GFRA2: variants seen among roughly 807,000 people sequenced by gnomAD.
GFRA2 encodes the protein GDNF family receptor alpha-2.
Under a neutral mutation model 48.3 loss-of-function variants are expected in GFRA2, and 17 were observed. The ratio of observed to expected loss-of-function variants is 0.35; its 90% CI spans 0.24 to 0.53. The LOEUF is 0.53. GFRA2 is among the 20% of genes least tolerant of loss of function. The pLI, the probability that GFRA2 is intolerant of heterozygous loss-of-function variation, is 0.93. For missense variants in GFRA2, 660 were observed against 637.3 expected (o/e 1.04, Z -0.38); for synonymous variants, 305 against 257.2 (o/e 1.19, Z -1.78).
chr8:21,707,664 C>G (rs1369997144), intron 4 of GFRA2, among the ~76,000 whole-genome samples: 1 of 152,182 alleles, frequency 6.6e-6, no homozygotes, highest in Non-Finnish European at 1.5e-5. Context: ...GCCCAAGTTC[C>G]CTGCTTCTCC....
chr8:21,792,208 T>C (rs1807585174), upstream of GFRA2, among the ~76,000 whole-genome samples: 1 of 152,174 alleles, frequency 6.6e-6, no homozygotes, highest in Non-Finnish European at 1.5e-5. Flanking sequence ...GGGAGGGCGT[T>C]GCAGCCCCAC....
intron 7 of GFRA2, among the ~76,000 whole-genome samples, chr8:21,694,869 T>C (rs1486560233): frequency 6.6e-6 from 1 of 152,170 alleles, no homozygotes; most frequent in African/African-American, 2.4e-5. Context: ...CAGTGTCTGG[T>C]TCATAACAAC....
At chr8:21,754,580 C>T (rs895459136) in intron 3 of GFRA2, among the ~76,000 whole-genome samples, 5 of 145,718 alleles carry the variant, frequency 3.4e-5, no homozygotes, top group Non-Finnish European at 7.4e-5. Flanking sequence ...GTGATCGCGG[C>T]TCACTGCAAC....
chr8:21,719,673 T>C (rs4739285), intron 4 of GFRA2, among the ~76,000 whole-genome samples: 62,084 of 152,048 alleles, frequency 0.41, 15,132 homozygotes, highest in East Asian at 0.61. Context: ...TTGAGCTAGG[T>C]AGCCAGCCAG....
chr8:21,730,940 G>A lies in GFRA2; in HGVS notation c.794+19648C>T, dbSNP rs561039938. ...CCCAGAGAAGTTCCATGCGTACCCC[G>A]AGGTTTCCACAGCGAGACGAGGTAG... On this transcript the variant is annotated intron_variant, in intron 4 of 8. Coordinates refer to ENST00000524240, the MANE Select transcript of GFRA2 (RefSeq NM_001495.5). 1.3e-4 allele frequency among the ~76,000 whole-genome samples: 20 copies of A among 152,226 alleles called. 1 individual carries two copies. In the East Asian group the frequency reaches 2.3e-3, roughly 18 times the overall value.
intron 3 of GFRA2, among the ~76,000 whole-genome samples, chr8:21,758,039 C>G (rs1396632876): frequency 6.6e-6 from 1 of 152,192 alleles, no homozygotes; most frequent in African/African-American, 2.4e-5. Context: ...AGAAAAGGCA[C>G]TTGACCTCTG....
chr8:21,702,103 T>G (rs752935524), intron 7 of GFRA2, among the ~76,000 whole-genome samples: 5 of 152,218 alleles, frequency 3.3e-5, no homozygotes, highest in South Asian at 2.1e-4. Context: ...AGCAGTTGTC[T>G]GCAGAGCAGG....
At chr8:21,733,856 G>A (rs1804319744) in intron 4 of GFRA2, among the ~76,000 whole-genome samples, 1 of 152,120 alleles carries the variant, frequency 6.6e-6, no homozygotes, top group African/African-American at 2.4e-5. Context: ...AGACTCCTCC[G>A]CTGAGGTCCA....
chr8:21,696,877 G>A (rs1430013617), intron 7 of GFRA2, among the ~76,000 whole-genome samples: 4 of 147,284 alleles, frequency 2.7e-5, no homozygotes, highest in Non-Finnish European at 6.0e-5. Context: ...AAACAGGAAA[G>A]AGGAAGAGGG....
rs1029983514 is a variant in GFRA2, at chr8:21,705,117, T to C, written c.913A>G (p.Met305Val). The change falls in exon 6 of 9, where the codon ATG becomes GTG. Residue 305 changes from methionine to valine, a missense_variant. Met to Val is a conservative substitution (Grantham distance 21). Coordinates refer to ENST00000524240, the MANE Select transcript of GFRA2 (RefSeq NM_001495.5). ...GSYAGMIGFD[M>V]TPNYVDSSPT... ...CTGGAGTCCACATAGTTAGGTGTCA[T>C]GTCAAACCCTGGGCAGGAAGAAAGG... 6.2e-7 allele frequency: 1 copy of C among 1,609,560 alleles called. No individual in the cohort carries two copies.
intron 2 of GFRA2, among the ~76,000 whole-genome samples, chr8:21,778,514 T>C (rs1365841698): frequency 6.6e-6 from 1 of 152,252 alleles, no homozygotes; most frequent in Non-Finnish European, 1.5e-5. Context: ...ACACAGTTCC[T>C]ACAGTGCTGT....
chr8:21,693,171 A>T lies in GFRA2; in HGVS notation c.*107T>A. The T allele has an allele frequency of 2.6e-5, 28 of 1,061,156 alleles. No homozygotes were observed. Among genetic ancestry groups the T allele is most frequent in the Admixed American group, 7.1e-5 (2 of 28,224 alleles). 65.7% of individuals were successfully genotyped at this position (1,061,156 alleles called of 1,614,324 possible). On this transcript the variant is annotated 3_prime_UTR_variant, in exon 9 of 9. Coordinates refer to ENST00000524240, the MANE Select transcript of GFRA2 (RefSeq NM_001495.5). The stretch of plus-strand genomic sequence containing the variant: ...GTTCAGCGACAAGGTGGGAAAAACA[A>T]TTTTTTTTTTGCAAGGTGTGTGTGT...
intron 4 of GFRA2, among the ~76,000 whole-genome samples, chr8:21,746,426 T>C (rs1163270964): frequency 2.0e-5 from 3 of 152,024 alleles, no homozygotes; most frequent in Non-Finnish European, 4.4e-5. Context: ...TGGTGGGAGA[T>C]AGGGAAAGAG....
intron 2 of GFRA2, among the ~76,000 whole-genome samples, chr8:21,800,850 C>T (rs902389060): frequency 6.6e-6 from 1 of 150,558 alleles, no homozygotes; most frequent in Admixed American, 6.7e-5. Context: ...GGCTTGAGCC[C>T]AAAAATTCCA....
At chr8:21,707,759 A>T (rs1297942037) in intron 4 of GFRA2, among the ~76,000 whole-genome samples, 2 of 152,218 alleles carry the variant, frequency 1.3e-5, no homozygotes, top group Non-Finnish European at 1.5e-5. Flanking sequence ...TGGGATGATT[A>T]AAAAGTTCTG....
At chr8:21,747,822 GCACATGCACACAGGCATACACATA>G (rs1335848469) in intron 4 of GFRA2, among the ~76,000 whole-genome samples, 2 of 144,824 alleles carry the variant, frequency 1.4e-5, no homozygotes, top group Non-Finnish European at 3.0e-5. Context: ...ACATAAACAT[GCACATGCACACAGGCATACACATA>G]CACATGCACA....
At chr8:21,807,442 C>T (rs552616816) in intron 1 of GFRA2, among the ~76,000 whole-genome samples, 47 of 152,308 alleles carry the variant, frequency 3.1e-4, no homozygotes, top group African/African-American at 6.5e-4. Context: ...GTAAATTACC[C>T]GGTCTGCGGT....
chr8:21,751,381 G>A (rs1426179708), intron 3 of GFRA2, among the ~76,000 whole-genome samples: 1 of 152,244 alleles, frequency 6.6e-6, no homozygotes, highest in Non-Finnish European at 1.5e-5. Flanking sequence ...CTCATGATGG[G>A]ATTGTCAGCA....
At chr8:21,718,773 A>G (rs1212501165) in intron 4 of GFRA2, among the ~76,000 whole-genome samples, 3 of 152,184 alleles carry the variant, frequency 2.0e-5, no homozygotes, top group African/African-American at 7.2e-5. Flanking sequence ...CTAAGGAAAT[A>G]GAGCCCTAGA....
Sources: gnomAD v4.1 joint callset for allele counts (sites outside exome capture counted in the v4.1 genomes callset) on GRCh38, gnomAD v4.1.1 for gene constraint, MANE v1.5 for transcripts, NCBI Gene and HGNC (gene_info 2026-07-23, HGNC 2026-07-21) for gene names.